Variants in FAM117B observed in about 807,000 individuals in gnomAD.
FAM117B encodes the protein protein FAM117B.
Under a neutral mutation model 52.8 loss-of-function variants are expected in FAM117B, and 22 were observed. The observed-to-expected ratio is 0.42, with a 90% CI of 0.30 to 0.59. The LOEUF (loss-of-function observed/expected upper bound fraction) is 0.59, where lower values mean the gene tolerates loss of function less well. Among genes scored for constraint, FAM117B ranks in the 20% least tolerant of loss-of-function variants. The pLI is 0.22. For synonymous variants in FAM117B, 309 were observed against 324.1 expected (o/e 0.95, Z 0.50); for missense variants, 678 against 802.6 (o/e 0.84, Z 1.88).
chr2:202,646,122 G>A (rs564079400), intron 1 of FAM117B, among the ~76,000 whole-genome samples: 2 of 151,856 alleles, frequency 1.3e-5, no homozygotes, highest in African/African-American at 4.8e-5. Context: ...CGCCTCCCGG[G>A]TTCAAGCAAT....
At chr2:202,709,122 C>T (rs1479563037) in intron 2 of FAM117B, among the ~76,000 whole-genome samples, 3 of 151,752 alleles carry the variant, frequency 2.0e-5, no homozygotes, top group Non-Finnish European at 2.9e-5. Context: ...TCTTACATAC[C>T]TCTTGGTCAT....
chr2:202,691,346 G>T (rs1001061434), intron 1 of FAM117B, among the ~76,000 whole-genome samples: 3 of 152,154 alleles, frequency 2.0e-5, no homozygotes, highest in Non-Finnish European at 4.4e-5. Context: ...TTGAACTTGG[G>T]AGGTGGAGGT....
At chr2:202,694,226 C>T (rs995529152) in intron 1 of FAM117B, among the ~76,000 whole-genome samples, 1 of 123,846 alleles carries the variant, frequency 8.1e-6, no homozygotes, top group African/African-American at 3.8e-5. Flanking sequence ...GAGTCTCACT[C>T]TGTCGCCAGA....
intron 4 of FAM117B, among the ~76,000 whole-genome samples, chr2:202,728,084 A>G (rs1393891051): frequency 6.6e-6 from 1 of 152,068 alleles, no homozygotes; most frequent in Non-Finnish European, 1.5e-5. Context: ...GGTTTATGTG[A>G]TCCTCCCACC....
chr2:202,746,449 C>T (rs1161888438), intron 4 of FAM117B, among the ~76,000 whole-genome samples: 2 of 151,464 alleles, frequency 1.3e-5, no homozygotes, highest in Non-Finnish European at 2.9e-5. Context: ...CTATGAGATA[C>T]AGTATAAGAA....
At chr2:202,721,659 G>A (rs1691154788) in intron 2 of FAM117B, among the ~76,000 whole-genome samples, 2 of 151,374 alleles carry the variant, frequency 1.3e-5, no homozygotes, top group South Asian at 4.2e-4. Context: ...TTTGAGACAG[G>A]GTCTCGCTCT....
intron 2 of FAM117B, among the ~76,000 whole-genome samples, chr2:202,720,841 G>A (rs564204116): frequency 2.0e-5 from 3 of 152,132 alleles, no homozygotes; most frequent in East Asian, 1.9e-4. Context: ...TTTTGGCACC[G>A]CACAAATATC....
chr2:202,674,028 C>G (rs193175885), intron 1 of FAM117B, among the ~76,000 whole-genome samples: 1 of 152,058 alleles, frequency 6.6e-6, no homozygotes, highest in African/African-American at 2.4e-5. Flanking sequence ...TCCCTGCACC[C>G]CCCCCACCTC....
At chr2:202,719,154 A>G (rs1037663718) in intron 2 of FAM117B, among the ~76,000 whole-genome samples, 2 of 152,214 alleles carry the variant, frequency 1.3e-5, no homozygotes, top group African/African-American at 2.4e-5. Flanking sequence ...AAAGAAAGCA[A>G]TTGTCTTTTA....
At chr2:202,694,331 C>T (rs1484986416) in intron 1 of FAM117B, among the ~76,000 whole-genome samples, 3 of 151,712 alleles carry the variant, frequency 2.0e-5, no homozygotes, top group Admixed American at 6.6e-5. Context: ...GCTGGGATTA[C>T]AGGCGCCCGC....
intron 1 of FAM117B, among the ~76,000 whole-genome samples, chr2:202,662,001 G>C (rs535732226): frequency 1.3e-5 from 2 of 151,438 alleles, no homozygotes; most frequent in Non-Finnish European, 2.9e-5. Context: ...TCAGTATGTC[G>C]AAGAGATACT....
At chr2:202,686,343 A>G (rs1690537073) in intron 1 of FAM117B, among the ~76,000 whole-genome samples, 1 of 152,232 alleles carries the variant, frequency 6.6e-6, no homozygotes, top group African/African-American at 2.4e-5. Flanking sequence ...ACCAGTTTGG[A>G]AAACATTTTG....
At chr2:202,717,821 C>T (rs558776892) in intron 2 of FAM117B, among the ~76,000 whole-genome samples, 1 of 146,834 alleles carries the variant, frequency 6.8e-6, no homozygotes, top group South Asian at 2.1e-4. Context: ...CTTTTGATTG[C>T]TCAAGGCCCT....
chr2:202,702,159 G>A lies in FAM117B; in HGVS notation c.753+6127G>A, dbSNP rs1409327120. ...TGTAATCCCAGTACTTTGGGAGGAC[G>A]AGGTGGGCAGGTCATGAGGTCAGGA... On this transcript the variant is annotated intron_variant, in intron 2 of 7. Coordinates refer to ENST00000392238, the MANE Select transcript of FAM117B (RefSeq NM_173511.4). Among the ~76,000 whole-genome samples the A allele has an allele frequency of 5.9e-5, 9 of 152,226 alleles. No homozygotes were observed. In the South Asian group the frequency reaches 6.2e-4, roughly 11 times the overall value.
rs76399188 is a variant in FAM117B, at chr2:202,764,328, G to A, written c.1452-1118G>A. ...TGTCCAGGCTGGAGTGCAGTGGCCC[G>A]ATTATGGCTCAGTACAACCTCCACC... On this transcript the variant is annotated intron_variant, in intron 7 of 7. Transcript: ENST00000392238. 2.2e-3 allele frequency among the ~76,000 whole-genome samples: 340 copies of A among 152,102 alleles called. 1 individual carries two copies. The highest frequency in any genetic ancestry group is 7.7e-3 in the African/African-American group (320 of 41,484).
chr2:202,751,589 G>A (rs750939191), intron 4 of FAM117B, among the ~76,000 whole-genome samples: 87 of 152,078 alleles, frequency 5.7e-4, no homozygotes, highest in Non-Finnish European at 1.1e-3. Context: ...CCAACGTTGC[G>A]AAACCTCATC....
At chr2:202,692,892 C>A (rs1197595710) in intron 1 of FAM117B, among the ~76,000 whole-genome samples, 1 of 151,912 alleles carries the variant, frequency 6.6e-6, no homozygotes, top group African/African-American at 2.4e-5. Context: ...TATTTGTGTT[C>A]CAATAAAACT....
At chr2:202,637,035 T>C (rs1020566721) in intron 1 of FAM117B, among the ~76,000 whole-genome samples, 2 of 151,822 alleles carry the variant, frequency 1.3e-5, no homozygotes, top group Admixed American at 1.3e-4. Flanking sequence ...TAGCTGGGAT[T>C]ACAGGCGACC....
At chr2:202,702,610 G>A (rs1690811350) in intron 2 of FAM117B, among the ~76,000 whole-genome samples, 1 of 152,002 alleles carries the variant, frequency 6.6e-6, no homozygotes. Flanking sequence ...CTGGAGTGCA[G>A]TGGCACAGTC....
Sources: allele counts gnomAD v4.1 joint callset (sites outside exome capture counted in the v4.1 genomes callset), GRCh38; gene constraint gnomAD v4.1.1; transcripts MANE v1.5; gene names NCBI Gene and HGNC (gene_info 2026-07-23, HGNC 2026-07-21).